SLC9A9: variants seen among roughly 807,000 people sequenced by gnomAD.
SLC9A9 encodes the protein sodium/hydrogen exchanger 9.
SLC9A9 carries 62 observed loss-of-function variants against 77.8 expected under a neutral mutation model. That is an observed-to-expected ratio of 0.80 (90% CI 0.65 to 0.98). The LOEUF is 0.98. SLC9A9 is among the 50% of genes least tolerant of loss of function. The pLI is 0.00. For synonymous variants in SLC9A9, 320 were observed against 283.5 expected (o/e 1.13, Z -1.29); for missense variants, 775 against 774.9 (o/e 1.00, Z 0.00).
intron 9 of SLC9A9, among the ~76,000 whole-genome samples, chr3:143,532,404 G>A (rs1355525266): frequency 1.3e-5 from 2 of 152,068 alleles, no homozygotes; most frequent in African/African-American, 4.8e-5. Flanking sequence ...AGTGTAAAGA[G>A]GTCCTGTTAT....
chr3:143,658,148 G>A (rs1441078886), intron 5 of SLC9A9, among the ~76,000 whole-genome samples: 1 of 152,162 alleles, frequency 6.6e-6, no homozygotes, highest in African/African-American at 2.4e-5. Flanking sequence ...ATTACAGCAT[G>A]AGCCACTGTG....
chr3:143,566,162 G>A (rs764505287), intron 8 of SLC9A9, among the ~76,000 whole-genome samples: 2 of 152,084 alleles, frequency 1.3e-5, no homozygotes, highest in Non-Finnish European at 2.9e-5. Context: ...CTTATCTATT[G>A]CAAAATAGAC....
At chr3:143,669,966 G>C (rs2039133120) in intron 5 of SLC9A9, among the ~76,000 whole-genome samples, 4 of 152,204 alleles carry the variant, frequency 2.6e-5, no homozygotes, top group Admixed American at 2.6e-4. Context: ...AGTATAAAAT[G>C]GAATGACAGT....
intron 14 of SLC9A9, among the ~76,000 whole-genome samples, chr3:143,356,687 A>AT (rs1189357399): frequency 2.0e-5 from 3 of 151,782 alleles, no homozygotes; most frequent in African/African-American, 7.3e-5. Context: ...TGCTCAGTTA[A>AT]CTTTTTTTGT....
chr3:143,636,283 C>G (rs572719722), intron 6 of SLC9A9, among the ~76,000 whole-genome samples: 128 of 152,216 alleles, frequency 8.4e-4, no homozygotes, highest in Non-Finnish European at 1.5e-3. Context: ...AAACTGTTTT[C>G]CATTACATGT....
intron 4 of SLC9A9, among the ~76,000 whole-genome samples, chr3:143,722,451 C>A (rs112866742): frequency 0.064 from 7,329 of 114,502 alleles, 690 homozygotes; most frequent in African/African-American, 0.23. Context: ...CCAGCCTGGG[C>A]GACAGAGCGA....
intron 8 of SLC9A9, among the ~76,000 whole-genome samples, chr3:143,560,534 G>C (rs1417656650): frequency 6.6e-6 from 1 of 151,822 alleles, no homozygotes; most frequent in African/African-American, 2.4e-5. Context: ...TTCCAGAATT[G>C]ACATGGTTCT....
chr3:143,718,000 A>T (rs535895439), intron 4 of SLC9A9, among the ~76,000 whole-genome samples: 2 of 152,206 alleles, frequency 1.3e-5, no homozygotes, highest in Non-Finnish European at 2.9e-5. Context: ...GAATCAGCTG[A>T]ACATGTTCAA....
intron 14 of SLC9A9, among the ~76,000 whole-genome samples, chr3:143,327,016 A>G (rs2031626170): frequency 6.6e-6 from 1 of 152,216 alleles, no homozygotes; most frequent in Admixed American, 6.5e-5. Context: ...ACACTCAAAG[A>G]TAAGCCTTCT....
intron 11 of SLC9A9, among the ~76,000 whole-genome samples, chr3:143,478,927 C>A (rs957794001): frequency 1.2e-4 from 18 of 152,226 alleles, no homozygotes; most frequent in Non-Finnish European, 8.8e-5. Flanking sequence ...TTAAAACTAT[C>A]AGATACTTGT....
At chr3:143,350,361 A>G (rs2032414718) in intron 14 of SLC9A9, among the ~76,000 whole-genome samples, 1 of 152,178 alleles carries the variant, frequency 6.6e-6, no homozygotes, top group South Asian at 2.1e-4. Flanking sequence ...CTAAAACAAG[A>G]CTATGTCACT....
At position 143,508,332 on chromosome 3, in the gene SLC9A9, G is replaced by A. The variant is rs2036061873; in HGVS notation, c.1090-12884C>T. On this transcript the variant is annotated intron_variant, in intron 9 of 15. Transcript: ENST00000316549. ...ATAAAAGTATTGCAAACTAAAATAC[G>A]TAGGATTGAGAACATTATTCAGTGA... Among the ~76,000 whole-genome samples, 4 of 152,340 alleles carry A rather than the reference G, an allele frequency of 2.6e-5. No individual in the cohort carries two copies. The South Asian group carries it at 8.3e-4, about 32-fold the overall frequency.
chr3:143,546,553 C>T (rs1027704415), intron 9 of SLC9A9, among the ~76,000 whole-genome samples: 19 of 152,280 alleles, frequency 1.2e-4, no homozygotes, highest in African/African-American at 2.2e-4. Flanking sequence ...ATAATAAATA[C>T]GGCCAAACAT....
intron 2 of SLC9A9, among the ~76,000 whole-genome samples, chr3:143,816,409 G>A (rs543061841): frequency 2.6e-5 from 4 of 152,096 alleles, no homozygotes; most frequent in Non-Finnish European, 5.9e-5. Flanking sequence ...TTTTAAAATT[G>A]TATCCTAAAT....
At chr3:143,823,503 T>C (rs2009223457) in intron 2 of SLC9A9, among the ~76,000 whole-genome samples, 1 of 152,162 alleles carries the variant, frequency 6.6e-6, no homozygotes, top group East Asian at 1.9e-4. Flanking sequence ...GAATACAGAA[T>C]TTAAGATTTC....
At chr3:143,647,736 T>C (rs2038728318) in intron 6 of SLC9A9, among the ~76,000 whole-genome samples, 1 of 152,216 alleles carries the variant, frequency 6.6e-6, no homozygotes, top group Non-Finnish European at 1.5e-5. Context: ...GTTAGCTTCT[T>C]CCTTCCTTTT....
At position 143,612,385 on chromosome 3, in the gene SLC9A9, G is replaced by A. The variant is rs568686617; in HGVS notation, c.756-33662C>T. ...ACTCCATGCAATCCTAGTGTCCTCA[G>A]ACAGTCTCTCTCTCACTTGTGGGAT... is the stretch of plus-strand genomic sequence containing the variant. On this transcript the variant is annotated intron_variant, in intron 6 of 15. Coordinates refer to ENST00000316549, the MANE Select transcript of SLC9A9 (RefSeq NM_173653.4). Among the ~76,000 whole-genome samples, 411 of 152,264 alleles carry A rather than the reference G, an allele frequency of 2.7e-3. 3 individuals carry two copies. Among genetic ancestry groups the A allele is most frequent in the Admixed American group, 5.1e-3 (78 of 15,290 alleles).
At chr3:143,684,925 A>G (rs1017240895) in intron 5 of SLC9A9, among the ~76,000 whole-genome samples, 2 of 152,124 alleles carry the variant, frequency 1.3e-5, no homozygotes, top group Non-Finnish European at 2.9e-5. Flanking sequence ...ACCAAATGGT[A>G]TAATCTATGT....
intron 14 of SLC9A9, among the ~76,000 whole-genome samples, chr3:143,299,414 G>C (rs2030420886): frequency 6.6e-6 from 1 of 151,734 alleles, no homozygotes; most frequent in Non-Finnish European, 1.5e-5. Context: ...CACTTGGAGA[G>C]CTTGTTAAAA....
Sources: gnomAD v4.1 joint callset for allele counts (sites outside exome capture counted in the v4.1 genomes callset) on GRCh38, gnomAD v4.1.1 for gene constraint, MANE v1.5 for transcripts, NCBI Gene and HGNC (gene_info 2026-07-23, HGNC 2026-07-21) for gene names.